Variants in DLGAP2 observed in about 807,000 individuals in gnomAD.
DLGAP2 encodes the protein DLG associated protein 2, also known as disks large-associated protein 2.
A neutral mutation model predicts 100.3 loss-of-function variants in DLGAP2; 26 were observed. That is an observed-to-expected ratio of 0.26 (90% CI 0.19 to 0.36). DLGAP2 has a LOEUF of 0.36. DLGAP2 is among the 10% of genes least tolerant of loss of function. The probability of loss-of-function intolerance (pLI) is 1.00; values close to 1 mark genes in which losing one functional copy is unlikely to be tolerated. For synonymous variants in DLGAP2, 886 were observed against 630.1 expected, an observed-to-expected ratio of 1.41 and a Z score of -6.08; for missense variants, 1,858 against 1,453.2, an observed-to-expected ratio of 1.28 and a Z score of -4.53.
At position 1,261,916 on chromosome 8, in the gene DLGAP2, T is replaced by G. The variant is rs961212923; in HGVS notation, c.106+3033T>G. Among the ~76,000 whole-genome samples, 18 of 152,204 alleles carry G rather than the reference T, an allele frequency of 1.2e-4. 1 individual carries two copies. Among genetic ancestry groups the G allele is most frequent in the African/African-American group, 3.4e-4 (14 of 41,452 alleles). On this transcript the variant is annotated intron_variant, in intron 3 of 14. Transcript: ENST00000637795. ...ACAGAAATGACCAGCCAGAGGCTGG[T>G]GGCAGCGTGTGCGGCTCGGATGTGG... is the stretch of plus-strand genomic sequence containing the variant.
At chr8:775,706 GAT>G (rs2132615413) in intron 1 of DLGAP2, among the ~76,000 whole-genome samples, 1 of 111,786 alleles carries the variant, frequency 8.9e-6, no homozygotes, top group South Asian at 3.6e-4. Context: ...AAGCCCACTT[GAT>G]CATGGTGGAT....
rs148097759 is a variant in DLGAP2 at position 838,841 on chromosome 8, C to T, written c.19-69071C>T. Among the ~76,000 whole-genome samples, 361 of 152,296 alleles carry T rather than the reference C, an allele frequency of 2.4e-3. 1 individual carries two copies. Among genetic ancestry groups the T allele is most frequent in the African/African-American group, 8.2e-3 (339 of 41,556 alleles). Reference sequence around the variant, plus strand: ...AATTAATTAAAGCTGGACTGTGATTCCCCTGCTGGTGACTTCCTGGGGAGC... The same window carrying T: ...AATTAATTAAAGCTGGACTGTGATTTCCCTGCTGGTGACTTCCTGGGGAGC... On this transcript the variant is annotated intron_variant, in intron 1 of 14. Coordinates refer to ENST00000637795, the MANE Select transcript of DLGAP2 (RefSeq NM_001346810.2).
intron 4 of DLGAP2, among the ~76,000 whole-genome samples, chr8:1,512,115 A>C (rs1381236212): frequency 1.3e-5 from 2 of 152,162 alleles, no homozygotes; most frequent in African/African-American, 4.8e-5. Flanking sequence ...CGGCCTCCCT[A>C]ACGCGTCTGG....
intron 3 of DLGAP2, among the ~76,000 whole-genome samples, chr8:1,446,124 T>C (rs374773085): frequency 6.6e-6 from 1 of 151,946 alleles, no homozygotes; most frequent in Non-Finnish European, 1.5e-5. Context: ...TTTTGGCTTT[T>C]GTTGCCATTG....
intron 2 of DLGAP2, among the ~76,000 whole-genome samples, chr8:1,166,096 A>C (rs1338258403): frequency 6.6e-6 from 1 of 152,212 alleles, no homozygotes; most frequent in African/African-American, 2.4e-5. Context: ...GCCCTCTCTC[A>C]GGTCATGGCA....
intron 2 of DLGAP2, among the ~76,000 whole-genome samples, chr8:962,482 C>T (rs1335516931): frequency 2.6e-5 from 4 of 152,180 alleles, no homozygotes; most frequent in Admixed American, 2.0e-4. Flanking sequence ...TGGGGCGCTG[C>T]TGGGAGTCCA....
chr8:1,254,674 G>A (rs1221037163), intron 2 of DLGAP2, among the ~76,000 whole-genome samples: 1 of 150,242 alleles, frequency 6.7e-6, no homozygotes, highest in East Asian at 1.9e-4. Context: ...ACTCAGTGGT[G>A]TCTTTCCCAG....
At chr8:1,425,134 C>T (rs1455770371) in intron 3 of DLGAP2, among the ~76,000 whole-genome samples, 1 of 152,176 alleles carries the variant, frequency 6.6e-6, no homozygotes, top group Non-Finnish European at 1.5e-5. Flanking sequence ...TATATTTCAG[C>T]ACTGGGTGAT....
At chr8:1,545,475 A>G (rs1457371606) in intron 4 of DLGAP2, among the ~76,000 whole-genome samples, 2 of 152,198 alleles carry the variant, frequency 1.3e-5, no homozygotes, top group Non-Finnish European at 2.9e-5. Flanking sequence ...TCTCTCAATG[A>G]CAAAAATGGT....
chr8:1,407,585 C>G (rs1182137979), intron 3 of DLGAP2, among the ~76,000 whole-genome samples: 3 of 85,360 alleles, frequency 3.5e-5, no homozygotes, highest in South Asian at 6.9e-4. Flanking sequence ...GTATTGAGTG[C>G]TTACTGAGCG....
chr8:998,593 A>G (rs1158553475), intron 2 of DLGAP2, among the ~76,000 whole-genome samples: 1 of 151,950 alleles, frequency 6.6e-6, no homozygotes, highest in Non-Finnish European at 1.5e-5. Flanking sequence ...GCCAGCCACC[A>G]TGCCTGACCT....
rs781504764 is a variant in DLGAP2 at position 1,678,479 on chromosome 8, G to T, written c.2554G>T (p.Ala852Ser). 6.2e-7 allele frequency: 1 copy of T among 1,613,024 alleles called. No individual in the cohort carries two copies. Among genetic ancestry groups the T allele is most frequent in the South Asian group, 1.1e-5 (1 of 90,920 alleles). The change falls in exon 12 of 15, where the codon GCC (alanine) becomes TCC (serine). Residue 852 changes from alanine to serine, a missense_variant. Physicochemically the swap from Ala to Ser is moderately conservative, Grantham distance 99. Transcript: ENST00000637795. ...LPPPDPWLEP[A>S]IDTVETGRMS... ...CCCTCCAGACCCCTGGCTGGAGCCC[G>T]CCATCGACACGGTAGAGACTGGGAG...
chr8:1,192,358 C>T (rs1035055017), intron 2 of DLGAP2, among the ~76,000 whole-genome samples: 4 of 152,154 alleles, frequency 2.6e-5, no homozygotes, highest in Admixed American at 2.0e-4. Flanking sequence ...GAATACCTTG[C>T]GGAATAGCTC....
chr8:1,336,212 A>G (rs1801269618), intron 3 of DLGAP2, among the ~76,000 whole-genome samples: 1 of 152,238 alleles, frequency 6.6e-6, no homozygotes. Flanking sequence ...TTTGAATGTA[A>G]CTATTTTTGT....
intron 2 of DLGAP2, among the ~76,000 whole-genome samples, chr8:952,752 A>G (rs1799510930): frequency 6.6e-6 from 1 of 152,268 alleles, no homozygotes; most frequent in Non-Finnish European, 1.5e-5. Flanking sequence ...TGTGATGAGT[A>G]GCATTATTTT....
chr8:1,299,288 C>A (rs562228722), intron 3 of DLGAP2, among the ~76,000 whole-genome samples: 1 of 152,326 alleles, frequency 6.6e-6, no homozygotes, highest in East Asian at 1.9e-4. Flanking sequence ...CCCAGGGTGC[C>A]GCATGGATGG....
chr8:1,603,125 T>C (rs374367107), intron 6 of DLGAP2, among the ~76,000 whole-genome samples: 115 of 151,586 alleles, frequency 7.6e-4, no homozygotes, highest in African/African-American at 2.7e-3. Context: ...GGGTCTCAGT[T>C]CTCCACAGGC....
chr8:1,267,095 G>T (rs547964032), intron 3 of DLGAP2, among the ~76,000 whole-genome samples: 2 of 152,000 alleles, frequency 1.3e-5, no homozygotes, highest in East Asian at 2.0e-4. Context: ...AGCCAGGCGT[G>T]GGGGTGGGTG....
chr8:1,622,918 A>C (rs929025569), intron 6 of DLGAP2, among the ~76,000 whole-genome samples: 2 of 152,070 alleles, frequency 1.3e-5, no homozygotes, highest in East Asian at 3.9e-4. Context: ...CGTGCTGGGG[A>C]CTTCACCCTG....
Sources: gnomAD v4.1 joint callset for allele counts (sites outside exome capture counted in the v4.1 genomes callset) on GRCh38, gnomAD v4.1.1 for gene constraint, MANE v1.5 for transcripts, NCBI Gene and HGNC (gene_info 2026-07-23, HGNC 2026-07-21) for gene names.